The following KIAA1217 variants were observed in gnomAD, a reference collection of about 807,000 sequenced individuals.
KIAA1217 encodes the protein sickle tail protein homolog.
Under a neutral mutation model 163.9 loss-of-function variants are expected in KIAA1217, and 88 were observed. That is an observed-to-expected ratio of 0.54 (90% CI 0.45 to 0.64). KIAA1217 has a LOEUF of 0.64. Among genes scored for constraint, KIAA1217 ranks in the 30% least tolerant of loss-of-function variants. The pLI is 0.00. For synonymous variants in KIAA1217, 903 were observed against 923.1 expected (o/e 0.98, Z 0.39); for missense variants, 2,372 against 2,475.0 (o/e 0.96, Z 0.88).
At chr10:24,176,338 C>A (rs929163583) in intron 2 of KIAA1217, among the ~76,000 whole-genome samples, 1 of 149,684 alleles carries the variant, frequency 6.7e-6, no homozygotes, top group Non-Finnish European at 1.5e-5. Context: ...TAGCTAGACA[C>A]AAAAGTTCTC....
intron 1 of KIAA1217, among the ~76,000 whole-genome samples, chr10:23,878,482 G>A (rs1315059830): frequency 6.6e-6 from 1 of 151,852 alleles, no homozygotes. Context: ...CACATTCGAG[G>A]TTCTATTTCA....
chr10:23,802,861 T>A (rs574658250), intron 1 of KIAA1217, among the ~76,000 whole-genome samples: 1 of 152,284 alleles, frequency 6.6e-6, no homozygotes, highest in Non-Finnish European at 1.5e-5. Context: ...ATAGTAACCA[T>A]GAAACCATAT....
chr10:24,024,114 A>C (rs1187356127), intron 2 of KIAA1217, among the ~76,000 whole-genome samples: 1 of 151,570 alleles, frequency 6.6e-6, no homozygotes, highest in Admixed American at 6.6e-5. Flanking sequence ...AAAATCTCCT[A>C]AGTTTTATTT....
At chr10:24,272,744 G>A (rs540888033) in intron 2 of KIAA1217, among the ~76,000 whole-genome samples, 22 of 152,256 alleles carry the variant, frequency 1.4e-4, no homozygotes, top group Admixed American at 3.3e-4. Flanking sequence ...CGGTTTTCAC[G>A]TGCTCTTCAA....
At chr10:24,304,636 G>A (rs1033821699) in intron 2 of KIAA1217, among the ~76,000 whole-genome samples, 1 of 152,052 alleles carries the variant, frequency 6.6e-6, no homozygotes, top group Non-Finnish European at 1.5e-5. Context: ...ACCTGACCTT[G>A]GGGTTTTATT....
chr10:24,545,975 C>T lies in KIAA1217; in HGVS notation c.5483C>T (p.Pro1828Leu). ...SSGDSSNLPN[P>L]PATKPSIASN... ...GGTGACAGCTCTAACCTCCCTAATC[C>T]ACCTGCTACTAAACCATCGATTGCT... Residue 1828 changes from proline (P) to leucine (L), a missense_variant, in exon 21 of 21, where the codon CCA becomes CTA. Coordinates refer to ENST00000376454, the MANE Select transcript of KIAA1217 (RefSeq NM_019590.5). 6.2e-7 allele frequency: 1 copy of T among 1,614,124 alleles called. No homozygotes were observed.
chr10:24,540,007 A>T (rs1421588949), intron 17 of KIAA1217, among the ~76,000 whole-genome samples: 2 of 152,212 alleles, frequency 1.3e-5, no homozygotes, highest in Non-Finnish European at 2.9e-5. Flanking sequence ...TTTCACCCAG[A>T]GTCTTGACCA....
chr10:24,017,755 TG>T (rs1457742679), intron 2 of KIAA1217, among the ~76,000 whole-genome samples: 5 of 152,080 alleles, frequency 3.3e-5, no homozygotes, highest in Admixed American at 3.3e-4. Context: ...CCACTTACCC[TG>T]GGGAGTTTAC....
rs553435832 is a variant in KIAA1217 at position 23,816,061 on chromosome 10, A to G, written c.-321+120827A>G. Among the ~76,000 whole-genome samples the G allele has an allele frequency of 8.7e-4, 132 of 152,300 alleles. 2 individuals are homozygous for G. The highest frequency in any genetic ancestry group is 3.4e-3 in the Middle Eastern group (1 of 294). On this transcript the variant is annotated intron_variant, in intron 1 of 18. Coordinates refer to the KIAA1217 transcript ENST00000376462. Reference sequence around the variant, plus strand: ...CTCCCTGTCTTTCCTGTGAGGTGCCATATTTAAAGTTAAGCTACTCCCCTT... The same window carrying G: ...CTCCCTGTCTTTCCTGTGAGGTGCCGTATTTAAAGTTAAGCTACTCCCCTT...
At chr10:24,065,234 TA>T (rs2060891706) in intron 2 of KIAA1217, among the ~76,000 whole-genome samples, 1 of 152,224 alleles carries the variant, frequency 6.6e-6, no homozygotes, top group Non-Finnish European at 1.5e-5. Context: ...ATTGTGACGT[TA>T]GGGTGTCAAT....
intron 1 of KIAA1217, among the ~76,000 whole-genome samples, chr10:23,810,779 AT>A (rs1836980855): frequency 7.9e-6 from 1 of 126,118 alleles, no homozygotes; most frequent in Non-Finnish European, 1.6e-5. Flanking sequence ...ATATATACTA[AT>A]TACACTAATT....
At chr10:23,745,713 A>G (rs570609592) in intron 1 of KIAA1217, among the ~76,000 whole-genome samples, 2 of 152,304 alleles carry the variant, frequency 1.3e-5, no homozygotes, top group South Asian at 2.1e-4. Flanking sequence ...GTAGCCTTGG[A>G]AAATGTGACC....
At chr10:23,775,024 G>A (rs1281767293) in intron 1 of KIAA1217, among the ~76,000 whole-genome samples, 2 of 152,128 alleles carry the variant, frequency 1.3e-5, no homozygotes, top group Non-Finnish European at 2.9e-5. Flanking sequence ...TGAAGATCTT[G>A]GTGCATGATG....
At chr10:23,779,097 G>T (rs1429242854) in intron 1 of KIAA1217, among the ~76,000 whole-genome samples, 1 of 152,012 alleles carries the variant, frequency 6.6e-6, no homozygotes, top group Non-Finnish European at 1.5e-5. Context: ...CTGCTATGTG[G>T]CTGCTTTCTG....
chr10:24,389,404 G>A (rs1203527166), intron 3 of KIAA1217, among the ~76,000 whole-genome samples: 1 of 152,060 alleles, frequency 6.6e-6, no homozygotes, highest in Non-Finnish European at 1.5e-5. Flanking sequence ...CCTGTGGTGG[G>A]GTGGGGGAAT....
In KIAA1217 at chr10:24,063,711, A is replaced by T. The variant is rs2060824161; in HGVS notation, c.-171+56337A>T. Among the ~76,000 whole-genome samples, 7 of 152,272 alleles carry T rather than the reference A, an allele frequency of 4.6e-5. No homozygotes were observed. The South Asian group carries it at 1.5e-3, about 32-fold the overall frequency. On this transcript the variant is annotated intron_variant, in intron 2 of 18. Coordinates refer to the KIAA1217 transcript ENST00000376462. ...TGGTAGCTTGATGGGGATGGCACTG[A>T]ATCTATAAATTACCTTGGGTAGTAT...
At chr10:23,859,896 G>A (rs188749860) in intron 1 of KIAA1217, among the ~76,000 whole-genome samples, 437 of 151,352 alleles carry the variant, frequency 2.9e-3, no homozygotes, top group Non-Finnish European at 4.8e-3. Flanking sequence ...ATTACTCAGA[G>A]TCACAGACCT....
chr10:24,139,774 T>G (rs2063978890), intron 2 of KIAA1217, among the ~76,000 whole-genome samples: 1 of 152,204 alleles, frequency 6.6e-6, no homozygotes, highest in Non-Finnish European at 1.5e-5. Context: ...GGGAATACAT[T>G]CTAAGACCCC....
intron 1 of KIAA1217, among the ~76,000 whole-genome samples, chr10:23,708,803 C>G (rs2130728878): frequency 6.6e-6 from 1 of 152,232 alleles, no homozygotes; most frequent in South Asian, 2.1e-4. Flanking sequence ...GAAGATGACT[C>G]TTCCTAGTTC....
Sources: allele counts gnomAD v4.1 joint callset (sites outside exome capture counted in the v4.1 genomes callset), GRCh38; gene constraint gnomAD v4.1.1; transcripts MANE v1.5; gene names NCBI Gene and HGNC (gene_info 2026-07-23, HGNC 2026-07-21).